Variants in GSE1 observed in about 807,000 individuals in gnomAD.
The protein encoded by GSE1 is Gse1 coiled-coil protein, also known as genetic suppressor element 1.
GSE1 carries 32 observed loss-of-function variants against 112.6 expected under a neutral mutation model. The observed-to-expected ratio is 0.28, with a 90% CI of 0.21 to 0.38. GSE1 has a LOEUF of 0.38. Ranked by LOEUF, GSE1 falls within the 10% of genes least tolerant of loss-of-function variation. The pLI is 1.00. For missense variants in GSE1, 2,348 were observed against 1,699.2 expected, an observed-to-expected ratio of 1.38 and a Z score of -6.71; for synonymous variants, 1,115 against 735.6, an observed-to-expected ratio of 1.52 and a Z score of -8.35.
chr16:85,321,514 AC>A (rs1367327839), intron 1 of GSE1, among the ~76,000 whole-genome samples: 2 of 152,104 alleles, frequency 1.3e-5, no homozygotes, highest in Non-Finnish European at 2.9e-5. Flanking sequence ...CACAACTGTA[AC>A]CCCAACACTT....
chr16:85,638,205 A>G (rs1318537107), intron 2 of GSE1, among the ~76,000 whole-genome samples: 2 of 152,204 alleles, frequency 1.3e-5, no homozygotes, highest in African/African-American at 4.8e-5. Flanking sequence ...TGTAGTTTAA[A>G]AATTCAATTC....
At chr16:85,374,527 T>TGC (rs879613770) in intron 2 of GSE1, among the ~76,000 whole-genome samples, 2,363 of 24,308 alleles carry the variant, frequency 0.097, 21 homozygotes, top group Non-Finnish European at 0.4. Flanking sequence ...AGTGTGTGCG[T>TGC]GTGTGTGTGT....
At chr16:85,652,078 A>T (rs1054950997) in intron 3 of GSE1, among the ~76,000 whole-genome samples, 7 of 152,222 alleles carry the variant, frequency 4.6e-5, no homozygotes, top group African/African-American at 1.7e-4. Flanking sequence ...CTGGCAACAC[A>T]CCTGCCATGT....
At chr16:85,227,138 C>A (rs1163486786) in intron 1 of GSE1, among the ~76,000 whole-genome samples, 1 of 152,172 alleles carries the variant, frequency 6.6e-6, no homozygotes, top group Non-Finnish European at 1.5e-5. Flanking sequence ...TCCGCCCACC[C>A]ATCTGTTCAT....
intron 13 of GSE1, among the ~76,000 whole-genome samples, chr16:85,667,070 T>C (rs1342959968): frequency 1.3e-5 from 2 of 152,256 alleles, no homozygotes; most frequent in Admixed American, 6.5e-5. Context: ...CCCTGGCTTT[T>C]GGTATTCACA....
chr16:85,445,103 C>G (rs752306865), intron 2 of GSE1, among the ~76,000 whole-genome samples: 2 of 152,288 alleles, frequency 1.3e-5, no homozygotes, highest in Non-Finnish European at 2.9e-5. Flanking sequence ...ATCTTCCAGC[C>G]TGAATCGCTG....
At position 85,373,252 on chromosome 16, in the gene GSE1, A is replaced by G. The variant is rs1025101883; in HGVS notation, c.2464+15609A>G. On this transcript the variant is annotated intron_variant, in intron 2 of 2. Coordinates refer to the GSE1 transcript ENST00000637419. This position sits in a 1 kb window ranked among gnomAD's most constrained non-coding sequence, Gnocchi z 5.1. ...GGTGCTCCCAGGGATGGATCGCTCC[A>G]TGCTGGGATCCCCCACTCTCACGCG... 6.6e-6 allele frequency among the ~76,000 whole-genome samples: 1 copy of G among 152,172 alleles called. No individual in the cohort carries two copies. Among genetic ancestry groups the G allele is most frequent in the African/African-American group, 2.4e-5 (1 of 41,446 alleles).
At chr16:85,262,800 G>A (rs990578681) in intron 1 of GSE1, among the ~76,000 whole-genome samples, 5 of 152,316 alleles carry the variant, frequency 3.3e-5, no homozygotes, top group South Asian at 2.1e-4. Context: ...CAAGCTTGCC[G>A]CGGGCACCAG....
chr16:85,411,844 T>C (rs796922813), intron 2 of GSE1, among the ~76,000 whole-genome samples: 3 of 6,922 alleles, frequency 4.3e-4, no homozygotes, highest in Middle Eastern at 0.25. Flanking sequence ...CAGGGCCCCC[T>C]GGATAATCCT....
chr16:85,260,937 C>T (rs1907623139), intron 1 of GSE1, among the ~76,000 whole-genome samples: 1 of 152,244 alleles, frequency 6.6e-6, no homozygotes, highest in Admixed American at 6.5e-5. Context: ...CCTGGCCTAG[C>T]TGCAGGGAGA....
chr16:85,402,054 C>A, intron 2 of GSE1, among the ~76,000 whole-genome samples: 1 of 152,218 alleles, frequency 6.6e-6, no homozygotes, highest in East Asian at 1.9e-4. Context: ...GGAGGCCCAA[C>A]CATTTCCTCA....
At chr16:85,223,576 A>G (rs2075430880) in intron 1 of GSE1, among the ~76,000 whole-genome samples, 2 of 151,958 alleles carry the variant, frequency 1.3e-5, no homozygotes, top group South Asian at 4.2e-4. Context: ...AAAATTTGCC[A>G]CTGTAACCAT....
At chr16:85,550,286 CTG>C (rs2044858188) in intron 2 of GSE1, among the ~76,000 whole-genome samples, 1 of 152,154 alleles carries the variant, frequency 6.6e-6, no homozygotes, top group Non-Finnish European at 1.5e-5. Context: ...CACCCACTGG[CTG>C]TGTGTCCTTG....
intron 2 of GSE1, among the ~76,000 whole-genome samples, chr16:85,389,827 T>G (rs547157659): frequency 1.3e-5 from 2 of 152,294 alleles, no homozygotes; most frequent in Admixed American, 1.3e-4. Flanking sequence ...ATTTAATAGA[T>G]AAGCAAACTG....
chr16:85,215,570 A>T (rs112767979), intron 1 of GSE1, among the ~76,000 whole-genome samples: 2,940 of 150,784 alleles, frequency 0.019, 40 homozygotes, highest in Non-Finnish European at 0.029. Context: ...ATTTTAAAAA[A>T]TAATAATATC....
Position 85,668,142 on chromosome 16 carries a change from A to T in GSE1, c.3133A>T (p.Ser1045Cys), listed in dbSNP as rs1243301688. The T allele has an allele frequency of 6.4e-7, 1 of 1,572,962 alleles. No homozygotes were observed. Among genetic ancestry groups the T allele is most frequent in the Non-Finnish European group, 8.6e-7 (1 of 1,156,496 alleles). ...TGCAAGCCCTGTCCCCTCCACAGGG[A>T]GCGTGGCTGTGCTGTCTGCAGAGCA... ...TQKALQKHKG[S>C]VAVLSAEQNH... The change falls in exon 14 of 16, where the codon AGC becomes TGC. Residue 1045 changes from serine (S) to cysteine (C), a missense_variant and splice_region_variant. Coordinates refer to ENST00000253458, the MANE Select transcript of GSE1 (RefSeq NM_014615.5).
intron 2 of GSE1, among the ~76,000 whole-genome samples, chr16:85,543,258 T>C (rs2044586691): frequency 1.3e-5 from 2 of 150,740 alleles, no homozygotes; most frequent in African/African-American, 2.4e-5. Context: ...TTCCCAAATA[T>C]ATCCTATAGC....
intron 1 of GSE1, among the ~76,000 whole-genome samples, chr16:85,216,813 T>G (rs568805935): frequency 6.6e-6 from 1 of 152,340 alleles, no homozygotes; most frequent in South Asian, 2.1e-4. Flanking sequence ...TGGAAAGATA[T>G]AGCACTTGCT....
intron 1 of GSE1, among the ~76,000 whole-genome samples, chr16:85,618,451 G>A (rs1189684239): frequency 2.0e-5 from 3 of 152,170 alleles, no homozygotes; most frequent in East Asian, 1.9e-4. Flanking sequence ...TTACTGTGTC[G>A]ATCAGTGCAT....
Sources: gnomAD v4.1 joint callset for allele counts (sites outside exome capture counted in the v4.1 genomes callset) on GRCh38, gnomAD v4.1.1 for gene constraint, Gnocchi (gnomAD v3.1) non-coding constraint, MANE v1.5 for transcripts, NCBI Gene and HGNC (gene_info 2026-07-23, HGNC 2026-07-21) for gene names.